Variants in GRM8 observed in about 807,000 individuals in gnomAD.
The protein encoded by GRM8 is metabotropic glutamate receptor 8.
In GRM8, 47 loss-of-function variants were observed where a neutral mutation model predicts 87.2. The ratio of observed to expected loss-of-function variants is 0.54; its 90% CI spans 0.43 to 0.69. The LOEUF (loss-of-function observed/expected upper bound fraction) is 0.69, where lower values mean the gene tolerates loss of function less well. GRM8 is among the 30% of genes least tolerant of loss of function. The pLI is 0.00. For missense variants in GRM8, 1,019 were observed against 1,139.2 expected (o/e 0.89, Z 1.52); for synonymous variants, 396 against 404.5 (o/e 0.98, Z 0.25).
chr7:126,619,416 C>T (rs1272036537), intron 7 of GRM8, among the ~76,000 whole-genome samples: 6 of 151,624 alleles, frequency 4.0e-5, no homozygotes, highest in Non-Finnish European at 7.4e-5. Context: ...AGAGATATAC[C>T]GACAAGTTAA....
At chr7:126,645,629 G>A (rs1013811129) in intron 7 of GRM8, among the ~76,000 whole-genome samples, 8 of 152,166 alleles carry the variant, frequency 5.3e-5, no homozygotes, top group East Asian at 3.9e-4. Context: ...TTTTGTCTAT[G>A]CAGTGAACAG....
Position 126,459,003 on chromosome 7 carries a change from T to G in GRM8, c.2431-12631A>C, listed in dbSNP as rs542913855. 2.7e-3 allele frequency among the ~76,000 whole-genome samples: 400 copies of G among 149,628 alleles called. 1 individual carries two copies. The highest frequency in any genetic ancestry group is 9.4e-3 in the African/African-American group (384 of 40,920). ...AATTAATCATGGAACTAGGTAAACT[T>G]TAATAGAAAAAAAAAAAGTAAACTC... On this transcript the variant is annotated intron_variant, in intron 9 of 10. Transcript: ENST00000339582.
intron 2 of GRM8, among the ~76,000 whole-genome samples, chr7:127,202,550 C>A (rs905886273): frequency 3.3e-5 from 5 of 152,122 alleles, no homozygotes; most frequent in Non-Finnish European, 5.9e-5. Context: ...TATTGAATAC[C>A]TACTGGGTGC....
rs554849639 is a variant in GRM8, at chr7:126,902,671, G to A, written c.1027C>T (p.Arg343Ter). The A allele has an allele frequency of 5.0e-6, 8 of 1,584,986 alleles. No homozygotes were observed. The highest frequency in any genetic ancestry group is 1.2e-5 in the South Asian group (1 of 86,060). Residue 343 changes from arginine (R) to a stop codon, truncating the protein, a stop_gained, in exon 6 of 11, where the codon CGA (arginine) becomes TGA (stop). Transcript: ENST00000339582. LOFTEE classifies it high-confidence loss of function. ...PKRASIDGFDRYFRSRTLANN... is the reference protein window; with the variant it reads ...PKRASIDGFD The stretch of plus-strand genomic sequence containing the variant: ...GCAAGAGTTCGGCTTCTAAAGTATC[G>A]ATCAAATCCTATTTCAAAGGAGAAA...
At chr7:127,150,424 C>A (rs1243209257) in intron 2 of GRM8, among the ~76,000 whole-genome samples, 1 of 151,896 alleles carries the variant, frequency 6.6e-6, no homozygotes, top group Non-Finnish European at 1.5e-5. Context: ...CAGAACCTGA[C>A]CAGAAAAGAA....
intron 3 of GRM8, among the ~76,000 whole-genome samples, chr7:127,035,963 C>T (rs1020601285): frequency 3.9e-5 from 6 of 152,136 alleles, no homozygotes; most frequent in Non-Finnish European, 1.5e-5. Context: ...CTGTTACTTG[C>T]CCCCAACATT....
chr7:126,918,955 T>C (rs775649787), intron 3 of GRM8, among the ~76,000 whole-genome samples: 6 of 152,202 alleles, frequency 3.9e-5, no homozygotes, highest in Non-Finnish European at 5.9e-5. Context: ...ATTTCTGTGA[T>C]ATAATTTCCA....
chr7:126,596,390 G>A (rs143419949), intron 8 of GRM8, among the ~76,000 whole-genome samples: 11 of 152,184 alleles, frequency 7.2e-5, no homozygotes, highest in African/African-American at 2.2e-4. Context: ...GTTTTGATCT[G>A]CATTTCTCTA....
chr7:127,014,264 C>G (rs181353688), intron 3 of GRM8, among the ~76,000 whole-genome samples: 23 of 152,260 alleles, frequency 1.5e-4, no homozygotes, highest in African/African-American at 5.3e-4. Context: ...CCATCGCTGC[C>G]TTTTTCATCC....
At chr7:126,460,054 T>C (rs1803716543) in intron 9 of GRM8, among the ~76,000 whole-genome samples, 1 of 151,554 alleles carries the variant, frequency 6.6e-6, no homozygotes, top group African/African-American at 2.4e-5. Flanking sequence ...AAGAAAATCT[T>C]AGTGCTAGGA....
At chr7:127,210,920 A>C (rs1380288690) in intron 2 of GRM8, among the ~76,000 whole-genome samples, 5 of 152,218 alleles carry the variant, frequency 3.3e-5, no homozygotes, top group Non-Finnish European at 5.9e-5. Context: ...TAGGTACATT[A>C]GACAGACTGT....
At chr7:126,866,297 CT>C (rs1354561507) in intron 6 of GRM8, among the ~76,000 whole-genome samples, 2 of 150,740 alleles carry the variant, frequency 1.3e-5, no homozygotes, top group Admixed American at 1.3e-4. Flanking sequence ...TGTAATAGTT[CT>C]TTATATTTTA....
At chr7:126,963,797 C>T (rs372906021) in intron 3 of GRM8, among the ~76,000 whole-genome samples, 10 of 152,068 alleles carry the variant, frequency 6.6e-5, no homozygotes, top group African/African-American at 1.9e-4. Context: ...ACTTTCTTCA[C>T]GGAACTGGAG....
intron 3 of GRM8, among the ~76,000 whole-genome samples, chr7:126,962,248 T>C (rs1448189765): frequency 6.6e-6 from 1 of 152,194 alleles, no homozygotes; most frequent in African/African-American, 2.4e-5. Flanking sequence ...AATTGAGGCT[T>C]GGATAGATTA....
chr7:126,828,198 CT>C (rs1795008363), intron 6 of GRM8, among the ~76,000 whole-genome samples: 1 of 152,090 alleles, frequency 6.6e-6, no homozygotes, highest in Non-Finnish European at 1.5e-5. Flanking sequence ...CTCTGCCCGG[CT>C]TTGGTATCAG....
intron 7 of GRM8, among the ~76,000 whole-genome samples, chr7:126,762,671 A>G (rs1033987276): frequency 1.3e-5 from 2 of 152,118 alleles, no homozygotes; most frequent in African/African-American, 4.8e-5. Context: ...ATGAGCAAAA[A>G]TAACTAGAGT....
At chr7:126,567,421 G>A (rs374259867) in intron 8 of GRM8, among the ~76,000 whole-genome samples, 9 of 150,770 alleles carry the variant, frequency 6.0e-5, no homozygotes, top group Admixed American at 2.7e-4. Context: ...GGTAGGGGGA[G>A]GGGGGAGGGA....
At chr7:127,092,419 G>C (rs1164111993) in intron 3 of GRM8, among the ~76,000 whole-genome samples, 2 of 152,200 alleles carry the variant, frequency 1.3e-5, no homozygotes, top group Non-Finnish European at 2.9e-5. Context: ...ACATTGGCTG[G>C]GCACGGTGGC....
intron 9 of GRM8, among the ~76,000 whole-genome samples, chr7:126,476,036 T>C (rs1805866066): frequency 6.6e-6 from 1 of 152,150 alleles, no homozygotes; most frequent in African/African-American, 2.4e-5. Flanking sequence ...AGCTCCTTTA[T>C]GTTGGTCTTG....
Sources: gnomAD v4.1 joint callset for allele counts (sites outside exome capture counted in the v4.1 genomes callset) on GRCh38, gnomAD v4.1.1 for gene constraint, MANE v1.5 for transcripts, NCBI Gene and HGNC (gene_info 2026-07-23, HGNC 2026-07-21) for gene names.